DOCK3: variants seen among roughly 807,000 people sequenced by gnomAD.
DOCK3 encodes the protein dedicator of cytokinesis 3.
Under a neutral mutation model 265.6 loss-of-function variants are expected in DOCK3, and 60 were observed. The observed-to-expected ratio is 0.23, with a 90% CI of 0.18 to 0.28. DOCK3 has a LOEUF of 0.28. DOCK3 is among the 10% of genes least tolerant of loss of function. The probability of loss-of-function intolerance (pLI) is 1.00; values close to 1 mark genes in which losing one functional copy is unlikely to be tolerated. For synonymous variants in DOCK3, 881 were observed against 938.0 expected (o/e 0.94, Z 1.11); for missense variants, 1,981 against 2,594.3 (o/e 0.76, Z 5.14).
At chr3:51,006,179 C>G (rs1252538377) in intron 5 of DOCK3, among the ~76,000 whole-genome samples, 1 of 151,958 alleles carries the variant, frequency 6.6e-6, no homozygotes. Context: ...GTGTTACAGT[C>G]TCAGCCAGTC....
intron 27 of DOCK3, among the ~76,000 whole-genome samples, chr3:51,282,740 A>T (rs191016058): frequency 2.6e-4 from 40 of 152,198 alleles, no homozygotes; most frequent in Non-Finnish European, 4.7e-4. Context: ...TAATTGGTGA[A>T]TTCTACCAAA....
intron 5 of DOCK3, among the ~76,000 whole-genome samples, chr3:50,981,228 A>C (rs1346308170): frequency 2.0e-5 from 3 of 152,112 alleles, no homozygotes; most frequent in Non-Finnish European, 2.9e-5. Flanking sequence ...AGCATGTTTA[A>C]TTTGCATGTA....
Position 51,098,150 on chromosome 3 carries a change from G to A in DOCK3, c.746+7766G>A, listed in dbSNP as rs1433933527. Among the ~76,000 whole-genome samples the A allele has an allele frequency of 2.6e-5, 4 of 152,152 alleles. No homozygotes were observed. The East Asian group carries it at 5.8e-4, about 22-fold the overall frequency. ...CAGCTCACTGTAACATCCGCCTTCC[G>A]GTTTCAAGCTGTTCTCCTGCCTCAG... is the stretch of plus-strand genomic sequence containing the variant. On this transcript the variant is annotated intron_variant, in intron 9 of 52. Transcript: ENST00000266037.
At chr3:51,246,837 G>A (rs1447427817) in intron 22 of DOCK3, 30 bp downstream of exon 22, 1 of 1,598,854 alleles carries the variant, frequency 6.3e-7, no homozygotes. Context: ...ATACATAAGA[G>A]ACCCACTCAT....
At chr3:51,353,951 G>C (rs2086184141) in intron 40 of DOCK3, among the ~76,000 whole-genome samples, 1 of 152,186 alleles carries the variant, frequency 6.6e-6, no homozygotes, top group Admixed American at 6.5e-5. Flanking sequence ...CTATGACATA[G>C]GCAGAGCAAG....
chr3:51,220,617 G>T lies in DOCK3; in HGVS notation c.1253-5032G>T, dbSNP rs538912241. Among the ~76,000 whole-genome samples, 4 of 145,240 alleles carry T rather than the reference G, an allele frequency of 2.8e-5. No individual in the cohort carries two copies. The East Asian group carries it at 8.1e-4, about 29-fold the overall frequency. On this transcript the variant is annotated intron_variant, in intron 14 of 52. Coordinates refer to ENST00000266037, the MANE Select transcript of DOCK3 (RefSeq NM_004947.5). ...GGTTGCAGTGAGCCGAGATTGTGCCGCTGTACTCCAGCCTTGGCAACAGAG... is the reference window on the plus strand; with the variant it reads ...GGTTGCAGTGAGCCGAGATTGTGCCTCTGTACTCCAGCCTTGGCAACAGAG...
chr3:51,034,622 A>G (rs138735687), intron 5 of DOCK3, among the ~76,000 whole-genome samples: 73 of 152,118 alleles, frequency 4.8e-4, no homozygotes, highest in African/African-American at 1.7e-3. Flanking sequence ...TCTTTAATCA[A>G]TTATATTTTA....
intron 3 of DOCK3, among the ~76,000 whole-genome samples, chr3:50,858,650 A>G (rs1039139611): frequency 1.3e-5 from 2 of 152,014 alleles, no homozygotes; most frequent in Non-Finnish European, 2.9e-5. Flanking sequence ...TCTTATGTAG[A>G]ATCTTGCAAG....
chr3:50,710,961 G>A (rs1003307381), intron 1 of DOCK3, among the ~76,000 whole-genome samples: 2 of 152,158 alleles, frequency 1.3e-5, no homozygotes, highest in Non-Finnish European at 2.9e-5. Context: ...CCATGAGGAT[G>A]TAAAGACATA....
At chr3:51,358,524 T>A (rs1245127980) in intron 46 of DOCK3, among the ~76,000 whole-genome samples, 1 of 152,156 alleles carries the variant, frequency 6.6e-6, no homozygotes, top group Non-Finnish European at 1.5e-5. Flanking sequence ...TTCTCCTCCC[T>A]CTAATCGTTC....
At position 51,178,707 on chromosome 3, in the gene DOCK3, A is replaced by G. The variant is rs570910569; in HGVS notation, c.1037+18005A>G. ...AATTTATAGTGAAGATCTAATTGTC[A>G]TGACCTTAACGTATGTGATAATGTT... On this transcript the variant is annotated intron_variant, in intron 12 of 52. Coordinates refer to ENST00000266037, the MANE Select transcript of DOCK3 (RefSeq NM_004947.5). Among the ~76,000 whole-genome samples, 33 of 152,294 alleles carry G rather than the reference A, an allele frequency of 2.2e-4. 2 individuals are homozygous for G. The South Asian group carries it at 6.6e-3, about 31-fold the overall frequency.
intron 23 of DOCK3, among the ~76,000 whole-genome samples, chr3:51,262,305 CAGA>C (rs2079898244): frequency 6.6e-6 from 1 of 152,198 alleles, no homozygotes; most frequent in Non-Finnish European, 1.5e-5. Context: ...CAAACCCCAG[CAGA>C]CCTCTAACAG....
At chr3:50,986,765 T>C (rs1559902338) in intron 5 of DOCK3, among the ~76,000 whole-genome samples, 1 of 152,246 alleles carries the variant, frequency 6.6e-6, no homozygotes, top group Admixed American at 6.5e-5. Flanking sequence ...ATAAAAACAA[T>C]ATACTTTTAC....
chr3:51,212,706 G>A lies in DOCK3; in HGVS notation c.1127-1416G>A, dbSNP rs577998077. Reference sequence around the variant, plus strand: ...GCTTTCAGGTTCATAAACTAATTGCGGTTTAGTCCACCAGTGATTAGGCTT... The same window carrying A: ...GCTTTCAGGTTCATAAACTAATTGCAGTTTAGTCCACCAGTGATTAGGCTT... On this transcript the variant is annotated intron_variant, in intron 13 of 52. Transcript: ENST00000266037. 5.1e-4 allele frequency among the ~76,000 whole-genome samples: 78 copies of A among 152,060 alleles called. 1 individual carries two copies. Among genetic ancestry groups the A allele is most frequent in the Non-Finnish European group, 9.6e-4 (65 of 68,010 alleles).
At chr3:51,086,317 C>T (rs1037042392) in intron 7 of DOCK3, among the ~76,000 whole-genome samples, 2 of 152,134 alleles carry the variant, frequency 1.3e-5, no homozygotes, top group African/African-American at 4.8e-5. Context: ...TGTTCCTTGC[C>T]CTCATTCTAG....
At chr3:51,245,903 G>A (rs1231075520) in intron 21 of DOCK3, among the ~76,000 whole-genome samples, 1 of 152,018 alleles carries the variant, frequency 6.6e-6, no homozygotes, top group Non-Finnish European at 1.5e-5. Context: ...TGAAAAGAAC[G>A]TGACACAGGG....
chr3:51,240,606 C>A (rs757356028), intron 21 of DOCK3, among the ~76,000 whole-genome samples: 3 of 152,190 alleles, frequency 2.0e-5, no homozygotes. Context: ...CTTTATGAAT[C>A]TAGGTGCTCC....
chr3:50,950,302 GT>G (rs1387710016), intron 5 of DOCK3, among the ~76,000 whole-genome samples: 1 of 151,950 alleles, frequency 6.6e-6, no homozygotes, highest in Non-Finnish European at 1.5e-5. Context: ...TTGTTCACTT[GT>G]TTTAGTTTTG....
chr3:51,278,276 G>A (rs1373263593), intron 26 of DOCK3: 2 of 985,234 alleles, frequency 2.0e-6, no homozygotes, highest in African/African-American at 1.7e-5. Flanking sequence ...CGATTTTTCT[G>A]TGATCTAATT....
Sources: allele counts gnomAD v4.1 joint callset (sites outside exome capture counted in the v4.1 genomes callset), GRCh38; gene constraint gnomAD v4.1.1; transcripts MANE v1.5; gene names NCBI Gene and HGNC (gene_info 2026-07-23, HGNC 2026-07-21).